The following ABCD4 variants were observed in gnomAD, a reference collection of about 807,000 sequenced individuals.
ABCD4 encodes ATP binding cassette subfamily D member 4.
Under a neutral mutation model 86.3 loss-of-function variants are expected in ABCD4, and 53 were observed. The observed-to-expected ratio is 0.61, with a 90% confidence interval of 0.49 to 0.77. The LOEUF (loss-of-function observed/expected upper bound fraction) is 0.77. ABCD4 is among the 30% of genes least tolerant of loss of function. The probability of loss-of-function intolerance (pLI) is 0.00; values close to 1 mark genes in which losing one functional copy is unlikely to be tolerated. For synonymous variants in ABCD4, 328 were observed against 313.6 expected (o/e 1.05, Z -0.49); for missense variants, 757 against 764.5 (o/e 0.99, Z 0.12).
In ABCD4 at chr14:74,292,356, G is replaced by C. The variant is rs35073715; in HGVS notation, c.1049C>G (p.Thr350Arg). The change falls in exon 11 of 19, where the codon ACG becomes AGG. Residue 350 changes from threonine to arginine, a missense_variant. Thr to Arg is a moderately conservative substitution (Grantham distance 71). Transcript: ENST00000356924. ...TGACTTCAGGGACATGTCCAGAAGC[G>C]TCTCCCGAAGCTGCCCAATTCTGAA... is the stretch of plus-strand genomic sequence containing the variant. ...YTHRIGQLRE[T>R]LLDMSLKSQD... The C allele has an allele frequency of 0.024, 38,916 of 1,614,040 alleles. 555 individuals are homozygous for C. The highest frequency in any genetic ancestry group is 0.029 in the Non-Finnish European group (34,089 of 1,180,000).
chr14:74,289,985 G>A (rs746268460), intron 13 of ABCD4, 42 bp downstream of exon 13: 41 of 1,613,222 alleles, frequency 2.5e-5, no homozygotes, highest in East Asian at 1.6e-4. Flanking sequence ...GTGGGTGGGC[G>A]GGGTTGAGGA....
chr14:74,287,380 C>T (rs1415127173), intron 17 of ABCD4, among the ~76,000 whole-genome samples: 1 of 151,818 alleles, frequency 6.6e-6, no homozygotes, highest in Non-Finnish European at 1.5e-5. Flanking sequence ...ATGACCCTGT[C>T]TCTACAAAAA....
At chr14:74,294,989 G>A in intron 7 of ABCD4, 159 bp downstream of exon 7, 1 of 809,740 alleles carries the variant, frequency 1.2e-6, no homozygotes, top group Non-Finnish European at 2.0e-6. Flanking sequence ...TAAGGATGAG[G>A]CAGGCAAGGG....
rs761917106 is a variant in ABCD4, at chr14:74,286,464, T to C, written c.1818A>G (p.Glu606=). ...TCTCCTTCCAAAAGCCAGAGCTTCA[T>C]TCCACTTTGATTCTCATCAGCTCCC... The part of the protein sequence containing the change: ...GRWELMRIKV[E] Residue 606 remains glutamate, a synonymous_variant, in exon 19 of 19, where the codon GAA becomes GAG. Transcript: ENST00000356924. 2.5e-6 allele frequency: 4 copies of C among 1,614,188 alleles called. No homozygotes were observed. The East Asian group carries it at 8.9e-5, about 36-fold the overall frequency.
chr14:74,292,377 C>T lies in ABCD4; in HGVS notation c.1029-1G>A. ...AAGCGTCTCCCGAAGCTGCCCAATT[C>T]TGAACAAGAAAAGAAAATCTGAGGC... On this transcript the variant is annotated splice_acceptor_variant, in intron 10 of 18. Coordinates refer to ENST00000356924, the MANE Select transcript of ABCD4 (RefSeq NM_005050.4). LOFTEE classifies it high-confidence loss of function. 1 of 1,614,098 alleles carries T rather than the reference C, an allele frequency of 6.2e-7. No homozygotes were observed. The highest frequency in any genetic ancestry group is 8.5e-7 in the Non-Finnish European group (1 of 1,180,036).
rs116920750 is a variant in ABCD4 at position 74,296,201 on chromosome 14, C to T, written c.542+132G>A. On this transcript the variant is annotated intron_variant, in intron 5 of 18. Coordinates refer to ENST00000356924, the MANE Select transcript of ABCD4 (RefSeq NM_005050.4). ...CAAAGGAAGGGCAGGGGCCTGAGCA[C>T]GTGGGATGGGTGAGCACGTGGTAAG... The T allele has an allele frequency of 1.1e-5, 12 of 1,124,632 alleles. No individual in the cohort carries two copies. The East Asian group carries it at 1.7e-4, about 16-fold the overall frequency. The allele number at this position is 1,124,632 out of a possible 1,614,324, so 69.7% of individuals were successfully genotyped here.
At chr14:74,293,018 GC>G (rs71449186) in intron 8 of ABCD4, 135 bp downstream of exon 8, 1 of 1,452,408 alleles carries the variant, frequency 6.9e-7, no homozygotes, top group South Asian at 1.3e-5. Context: ...AAAGGCAACA[GC>G]CCCCCCTCCT....
chr14:74,298,201 C>T (rs1048497300), intron 3 of ABCD4, 132 bp from the exon 4 acceptor site: 1 of 1,452,486 alleles, frequency 6.9e-7, no homozygotes, highest in African/African-American at 1.4e-5. Flanking sequence ...GTCCACTCAG[C>T]ACTTTTCTTT....
intron 5 of ABCD4, 137 bp downstream of exon 5, chr14:74,296,196 G>A: frequency 9.0e-7 from 1 of 1,110,306 alleles, no homozygotes; most frequent in South Asian, 1.4e-5. Context: ...GCAGGGGCCT[G>A]AGCACGTGGG....
Position 74,286,710 on chromosome 14 carries a change from G to C in ABCD4, c.1743C>G (p.Ser581Arg), listed in dbSNP as rs770287341. ...TTGTGAGCACGGGTACCTTCTCAAG[G>C]CTCTGCCGATGTCCCACACTGATGA... ...MTFISVGHRQ[S>R]LEKFHSLVLK... Residue 581 changes from serine to arginine, a missense_variant, in exon 18 of 19, where the codon AGC becomes AGG. Coordinates refer to ENST00000356924, the MANE Select transcript of ABCD4 (RefSeq NM_005050.4). The C allele has an allele frequency of 2.2e-5, 35 of 1,613,964 alleles. No individual in the cohort carries two copies. The highest frequency in any genetic ancestry group is 5.0e-5 in the Admixed American group (3 of 59,998).
At chr14:74,288,177 A>C (rs1164929866) in intron 16 of ABCD4, 30 bp downstream of exon 16, 1 of 1,609,968 alleles carries the variant, frequency 6.2e-7, no homozygotes, top group Non-Finnish European at 8.5e-7. Flanking sequence ...TGGTGGGGCT[A>C]TCTCTGGAGC....
chr14:74,289,979 G>T, intron 13 of ABCD4, 48 bp downstream of exon 13: 1 of 1,612,880 alleles, frequency 6.2e-7, no homozygotes, highest in Non-Finnish European at 8.5e-7. Flanking sequence ...CCAGCTGTGG[G>T]TGGGCGGGGT....
chr14:74,295,530 C>T (rs1438466595), intron 6 of ABCD4, among the ~76,000 whole-genome samples: 26 of 152,194 alleles, frequency 1.7e-4, no homozygotes, highest in Admixed American at 1.7e-3. Context: ...GGCTGCCACA[C>T]CCAACTGATC....
intron 14 of ABCD4, chr14:74,289,161 A>G: frequency 8.5e-7 from 1 of 1,178,112 alleles, no homozygotes; most frequent in Non-Finnish European, 1.1e-6. Context: ...CACATCATGG[A>G]TGATGCAGGG....
chr14:74,298,122 A>G (rs2083355989), intron 3 of ABCD4, 53 bp from the exon 4 acceptor site: 1 of 1,592,562 alleles, frequency 6.3e-7, no homozygotes, highest in Non-Finnish European at 8.5e-7. Context: ...TGAAAATCTC[A>G]GCTCAAAGCT....
At position 74,286,794 on chromosome 14, in the gene ABCD4, G is replaced by A. The variant is rs1469802746; in HGVS notation, c.1659C>T (p.Ala553=). The A allele has an allele frequency of 2.8e-5, 45 of 1,614,068 alleles. No individual in the cohort carries two copies. Among genetic ancestry groups the A allele is most frequent in the Non-Finnish European group, 3.8e-5 (45 of 1,180,036 alleles). The part of the protein sequence containing the change: ...KYAVLDEATS[A]LTEEVESELY... Reference sequence around the variant, plus strand: ...GCTCGCTCTCCACTTCCTCTGTCAGGGCACTGGTGGCTTCATCAAGCACTG... The same window carrying A: ...GCTCGCTCTCCACTTCCTCTGTCAGAGCACTGGTGGCTTCATCAAGCACTG... The change falls in exon 18 of 19, where the codon GCC becomes GCT. Residue 553 remains alanine (A), a synonymous_variant. Transcript: ENST00000356924.
intron 13 of ABCD4, 183 bp from the exon 14 acceptor site, chr14:74,289,702 A>C (rs1385457664): frequency 6.9e-7 from 1 of 1,442,642 alleles, no homozygotes; most frequent in Non-Finnish European, 9.1e-7. Context: ...TACAACCTTC[A>C]GAAGTGTGTT....
Position 74,285,362 on chromosome 14 carries a change from C to T in ABCD4, c.*1099G>A, listed in dbSNP as rs956410869. On this transcript the variant is annotated 3_prime_UTR_variant, in exon 19 of 19. Coordinates refer to ENST00000356924, the MANE Select transcript of ABCD4 (RefSeq NM_005050.4). ...TCACCTCTCTTTTTTACAAAATGAA[C>T]AAGCCTCAGGCCCAGAGTCTATGCA... is the stretch of plus-strand genomic sequence containing the variant. 1 of 152,190 alleles carries T rather than the reference C, an allele frequency of 6.6e-6. No homozygotes were observed. The highest frequency in any genetic ancestry group is 2.4e-5 in the African/African-American group (1 of 41,450). 9.4% of individuals were successfully genotyped at this position (152,190 alleles called of 1,614,324 possible). A position where few individuals can be genotyped will look rare whatever the true frequency, so the allele number is the denominator to read the frequency against.
chr14:74,302,441 A>G (rs2084886146), intron 1 of ABCD4, among the ~76,000 whole-genome samples: 1 of 152,232 alleles, frequency 6.6e-6, no homozygotes, highest in African/African-American at 2.4e-5. Context: ...AGCCACTTAT[A>G]TAACACACCA....
Sources: allele counts gnomAD v4.1 joint callset (sites outside exome capture counted in the v4.1 genomes callset), GRCh38; gene constraint gnomAD v4.1.1; transcripts MANE v1.5; gene names NCBI Gene and HGNC (gene_info 2026-07-23, HGNC 2026-07-21).